ARHGAP6: variants seen among roughly 807,000 people sequenced by gnomAD.
ARHGAP6 encodes the protein rho GTPase-activating protein 6.
Under a neutral mutation model 55.7 loss-of-function variants are expected in ARHGAP6, and 16 were observed. The ratio of observed to expected loss-of-function variants is 0.29; its 90% CI spans 0.19 to 0.44. The LOEUF (loss-of-function observed/expected upper bound fraction) is 0.44. ARHGAP6 is among the 20% of genes least tolerant of loss of function. The pLI is 1.00. For synonymous variants in ARHGAP6, 382 were observed against 360.9 expected (o/e 1.06, Z -0.66); for missense variants, 698 against 808.9 (o/e 0.86, Z 1.66).
At chrX:11,151,128 T>C (rs1404092370) in intron 10 of ARHGAP6, among the ~76,000 whole-genome samples, 1 of 111,595 alleles carries the variant, frequency 9.0e-6, no homozygotes, top group Non-Finnish European at 1.9e-5. Flanking sequence ...CCCATTCTCA[T>C]TCCCTATTTC....
intron 1 of ARHGAP6, among the ~76,000 whole-genome samples, chrX:11,423,092 A>G (rs747469010): frequency 8.9e-6 from 1 of 112,772 alleles, no homozygotes; most frequent in South Asian, 3.7e-4. Context: ...GAGACAAATG[A>G]CAACCAGAGT....
intron 11 of ARHGAP6, 39 bp from the exon 12 acceptor site, chrX:11,142,352 G>A: frequency 1.0e-6 from 1 of 995,008 alleles, no homozygotes. Flanking sequence ...TAACACAAAA[G>A]GAAAATTAAA....
At chrX:11,163,215 C>T (rs1015124535) in intron 9 of ARHGAP6, among the ~76,000 whole-genome samples, 1 of 112,010 alleles carries the variant, frequency 8.9e-6, no homozygotes, top group Non-Finnish European at 1.9e-5. Context: ...AGAACTTTGG[C>T]CCCTCCTGCT....
At position 11,139,318 on chromosome X, in the gene ARHGAP6, C is replaced by T. The variant is rs770744368; in HGVS notation, c.2470G>A (p.Val824Ile). 13 of 1,181,789 alleles carry T rather than the reference C, an allele frequency of 1.1e-5. No individual in the cohort carries two copies. The Admixed American group carries it at 2.6e-4, about 24-fold the overall frequency. Residue 824 changes from valine to isoleucine, a missense_variant, in exon 13 of 13, where the codon GTC (valine) becomes ATC (isoleucine). Val to Ile is a conservative substitution (Grantham distance 29). Transcript: ENST00000337414. ...AVSRACSTPHVQVAGKAERPT... is the reference protein window; with the variant it reads ...AVSRACSTPHIQVAGKAERPT... ...CGCTCGGCTTTCCCTGCCACCTGGACGTGGGGCGTGCTGCAGGCGCGCGAC... is the reference window on the plus strand; with the variant it reads ...CGCTCGGCTTTCCCTGCCACCTGGATGTGGGGCGTGCTGCAGGCGCGCGAC...
chrX:11,653,034 A>T (rs760465593), intron 1 of ARHGAP6, among the ~76,000 whole-genome samples: 1 of 111,928 alleles, frequency 8.9e-6, no homozygotes, highest in Admixed American at 9.5e-5. Flanking sequence ...GTTGAATGAG[A>T]TGGGCCTTGA....
At chrX:11,294,935 C>A in intron 1 of ARHGAP6, 1 of 956,244 alleles carries the variant, frequency 1.0e-6, no homozygotes, top group Non-Finnish European at 1.5e-6. Context: ...GGGTTTAAAA[C>A]AGTATGAGAT....
In ARHGAP6 at chrX:11,585,239, CAT is replaced by C. The variant is rs779093883; in HGVS notation, c.588+79000_588+79001del. On this transcript the variant is annotated intron_variant, in intron 1 of 12. Coordinates refer to ENST00000337414, the MANE Select transcript of ARHGAP6 (RefSeq NM_013427.3). ...CTATTGTGAATAGTGCTGCAATGAA[CAT>C]ATGTGTGTGTGTGTCTTTATAATAA... Among the ~76,000 whole-genome samples, 12 of 112,020 alleles carry C rather than the reference CAT, an allele frequency of 1.1e-4. No homozygotes were observed. In the East Asian group the frequency reaches 2.5e-3, roughly 23 times the overall value.
chrX:11,354,325 C>CTATA (rs1221987760), intron 1 of ARHGAP6, among the ~76,000 whole-genome samples: 206 of 47,530 alleles, frequency 4.3e-3, no homozygotes, highest in African/African-American at 4.9e-3. Context: ...CTCTCTCTCT[C>CTATA]TCTATATATA....
chrX:11,643,944 C>T (rs1404187661), intron 1 of ARHGAP6, among the ~76,000 whole-genome samples: 1 of 110,423 alleles, frequency 9.1e-6, no homozygotes. Flanking sequence ...AGTAGAGATC[C>T]GCCACACTCT....
At chrX:11,313,425 G>A (rs2048322834) in intron 1 of ARHGAP6, among the ~76,000 whole-genome samples, 1 of 112,084 alleles carries the variant, frequency 8.9e-6, no homozygotes, top group Non-Finnish European at 1.9e-5. Context: ...GACAAGGCAA[G>A]CTGGGTCCTG....
chrX:11,181,148 T>C (rs775095200), intron 6 of ARHGAP6, among the ~76,000 whole-genome samples: 3 of 112,126 alleles, frequency 2.7e-5, no homozygotes, highest in African/African-American at 9.7e-5. Context: ...ACATTAAATG[T>C]TGATCCATTT....
At chrX:11,159,958 G>GT (rs1296538127) in intron 9 of ARHGAP6, among the ~76,000 whole-genome samples, 1 of 110,720 alleles carries the variant, frequency 9.0e-6, no homozygotes, top group Non-Finnish European at 1.9e-5. Flanking sequence ...TTTTAAAAAC[G>GT]TAACACCTAA....
At chrX:11,314,345 C>T (rs2048331127) in intron 1 of ARHGAP6, among the ~76,000 whole-genome samples, 1 of 111,427 alleles carries the variant, frequency 9.0e-6, no homozygotes, top group South Asian at 3.8e-4. Context: ...GAGTCCAGTC[C>T]CAAATTGATC....
At chrX:11,400,679 G>T (rs1234109569) in intron 1 of ARHGAP6, among the ~76,000 whole-genome samples, 1 of 111,099 alleles carries the variant, frequency 9.0e-6, no homozygotes, top group Non-Finnish European at 1.9e-5. Flanking sequence ...TACATTGAAA[G>T]AAATCCTAGA....
At chrX:11,527,344 T>G (rs2051000977) in intron 1 of ARHGAP6, among the ~76,000 whole-genome samples, 1 of 112,191 alleles carries the variant, frequency 8.9e-6, no homozygotes, top group Admixed American at 9.5e-5. Flanking sequence ...CCAGGCACAG[T>G]GGCTCACACT....
intron 1 of ARHGAP6, among the ~76,000 whole-genome samples, chrX:11,285,161 A>AT (rs1237627803): frequency 5.0e-5 from 4 of 80,552 alleles, no homozygotes; most frequent in Non-Finnish European, 9.6e-5. Flanking sequence ...AACCACACAG[A>AT]TTGTTTTTTT....
At chrX:11,589,335 C>T (rs1339947263) in intron 1 of ARHGAP6, among the ~76,000 whole-genome samples, 1 of 109,109 alleles carries the variant, frequency 9.2e-6, no homozygotes, top group Non-Finnish European at 1.9e-5. Flanking sequence ...AGCCACCGCA[C>T]CAGCCTGCAC....
intron 1 of ARHGAP6, among the ~76,000 whole-genome samples, chrX:11,578,187 C>CT (rs2051624124): frequency 9.0e-6 from 1 of 111,498 alleles, no homozygotes; most frequent in Non-Finnish European, 1.9e-5. Context: ...CCCAGGGCCC[C>CT]TGCAGCCAGG....
At chrX:11,255,427 ATATAT>A (rs1159376036) in intron 1 of ARHGAP6, among the ~76,000 whole-genome samples, 2 of 110,154 alleles carry the variant, frequency 1.8e-5, no homozygotes, top group Non-Finnish European at 3.8e-5. Context: ...ATATATGAGA[ATATAT>A]TATAATAGTA....
Sources: allele counts gnomAD v4.1 joint callset (sites outside exome capture counted in the v4.1 genomes callset), GRCh38; gene constraint gnomAD v4.1.1; transcripts MANE v1.5; gene names NCBI Gene and HGNC (gene_info 2026-07-23, HGNC 2026-07-21).